The following DNAH2 variants were observed in gnomAD, a reference collection of about 807,000 sequenced individuals.
DNAH2 encodes the protein dynein axonemal heavy chain 2.
DNAH2 carries 323 observed loss-of-function variants against 523.5 expected under a neutral mutation model. The ratio of observed to expected loss-of-function variants is 0.62; its 90% confidence interval spans 0.56 to 0.68. The LOEUF is 0.68. Ranked by LOEUF, DNAH2 falls within the 30% of genes least tolerant of loss-of-function variation. DNAH2 has a pLI of 0.00. For synonymous variants in DNAH2, 2,093 were observed against 2,177.4 expected (o/e 0.96, Z 1.08); for missense variants, 4,907 against 5,701.5 (o/e 0.86, Z 4.49).
chr17:7,739,653 C>A, intron 8 of DNAH2, 80 bp from the exon 9 acceptor site: 3 of 1,232,586 alleles, frequency 2.4e-6, no homozygotes, highest in Non-Finnish European at 3.5e-6. Flanking sequence ...TGTTTTTAGA[C>A]ATTTGAAGCT....
chr17:7,751,225 C>A (rs1204914423), intron 12 of DNAH2, among the ~76,000 whole-genome samples: 1 of 151,686 alleles, frequency 6.6e-6, no homozygotes, highest in Non-Finnish European at 1.5e-5. Flanking sequence ...CTGACTGCAA[C>A]CTCTGCGTCC....
Position 7,778,405 on chromosome 17 carries a change from T to C in DNAH2, c.5477T>C (p.Val1826Ala). Reference protein sequence around the residue: ...LGKALGIYVIVVNCSEGLDYK... With the variant: ...LGKALGIYVIAVNCSEGLDYK... ...AAGGCCCTGGGCATATATGTCATTGTGGTCAACTGCTCTGAGGGCCTGGAC... is the reference window on the plus strand; with the variant it reads ...AAGGCCCTGGGCATATATGTCATTGCGGTCAACTGCTCTGAGGGCCTGGAC... Residue 1826 changes from valine to alanine, a missense_variant, in exon 35 of 86, where the codon GTG (valine) becomes GCG (alanine). By Grantham distance (64) the Val-to-Ala change is moderately conservative. Around this residue, in one of 3 missense-constraint regions of DNAH2, gnomAD observed 2,806 missense variants for 3,190.8 expected, o/e 0.88. Coordinates refer to ENST00000572933, the MANE Select transcript of DNAH2 (RefSeq NM_020877.5). The C allele has an allele frequency of 8.7e-6, 14 of 1,614,230 alleles. No individual in the cohort carries two copies. The highest frequency in any genetic ancestry group is 1.2e-5 in the Non-Finnish European group (14 of 1,180,042).
chr17:7,772,454 T>TC (rs2076343878), intron 28 of DNAH2, among the ~76,000 whole-genome samples: 1 of 152,202 alleles, frequency 6.6e-6, no homozygotes, highest in South Asian at 2.1e-4. Context: ...ATCCCTTTGT[T>TC]GAATGCACAG....
At chr17:7,759,183 C>T in intron 15 of DNAH2, 59 bp downstream of exon 15, 2 of 1,603,524 alleles carry the variant, frequency 1.2e-6, no homozygotes, top group Non-Finnish European at 1.7e-6. Context: ...CCAGTTCCAT[C>T]AGGCCATTCT....
At position 7,794,307 on chromosome 17, in the gene DNAH2, C is replaced by T. The variant is rs752769345; in HGVS notation, c.7623C>T (p.Ile2541=). The change falls in exon 49 of 86, where the codon ATC becomes ATT. Residue 2541 remains isoleucine (I), a synonymous_variant. Transcript: ENST00000572933. The part of the protein sequence containing the change: ...MGPPGGGRTV[I]SPRLRSRFNI... ...CCCCTGGGGGTGGACGGACTGTCAT[C>T]TCCCCAAGGCTACGGAGTCGCTTCA... 5 of 1,610,188 alleles carry T rather than the reference C, an allele frequency of 3.1e-6. No individual in the cohort carries two copies. The African/African-American group carries it at 5.4e-5, about 17-fold the overall frequency.
Position 7,754,919 on chromosome 17 carries a change from T to G in DNAH2, c.1905-2172T>G. On this transcript the variant is annotated intron_variant, in intron 12 of 85. Transcript: ENST00000572933. The surrounding 1 kb of genome is among the most constrained non-coding windows in gnomAD (Gnocchi z 4.6). ...CACCCACCCCGGGCTGCCGTCTGCA[T>G]GGGGCTGGGGTCCTCCTGCGCTATT... The G allele has an allele frequency of 1.9e-6, 1 of 528,534 alleles. No individual in the cohort carries two copies. The highest frequency in any genetic ancestry group is 2.9e-5 in the East Asian group (1 of 34,072). The allele number at this position is 528,534 out of a possible 1,614,324, so 32.7% of individuals were successfully genotyped here.
chr17:7,723,259 T>C (rs1267005967), intron 2 of DNAH2, among the ~76,000 whole-genome samples: 5 of 139,706 alleles, frequency 3.6e-5, no homozygotes, highest in South Asian at 2.3e-4. Context: ...TGTGAGCCAC[T>C]GTACCCGGCT....
chr17:7,778,510 C>G, intron 35 of DNAH2, 41 bp downstream of exon 35: 1 of 1,538,036 alleles, frequency 6.5e-7, no homozygotes, highest in Non-Finnish European at 8.8e-7. Flanking sequence ...CCCTTAAATA[C>G]CTTTTCGTCC....
chr17:7,796,475 C>A lies in DNAH2; in HGVS notation c.7686C>A (p.Ile2562=), dbSNP rs1338766761. The A allele has an allele frequency of 6.2e-7, 1 of 1,613,780 alleles. No individual in the cohort carries two copies. Among genetic ancestry groups the A allele is most frequent in the Non-Finnish European group, 8.5e-7 (1 of 1,179,980 alleles). ...INMTFPTKSQ[I]IRIFGTMINQ... ...GGGTCTGTTTCTAGAAGTCCCAGAT[C>A]ATCCGCATATTCGGCACCATGATCA... The change falls in exon 50 of 86, where the codon ATC becomes ATA. Residue 2562 remains isoleucine, a synonymous_variant. Coordinates refer to ENST00000572933, the MANE Select transcript of DNAH2 (RefSeq NM_020877.5).
rs1463875617 is a variant in DNAH2 at position 7,792,614 on chromosome 17, G to A, written c.7146-43G>A. 4 of 1,525,834 alleles carry A rather than the reference G, an allele frequency of 2.6e-6. No individual in the cohort carries two copies. The Admixed American group carries it at 5.1e-5, about 20-fold the overall frequency. 94.5% of individuals were successfully genotyped at this position (1,525,834 alleles called of 1,614,324 possible). On this transcript the variant is annotated intron_variant, in intron 46 of 85. Coordinates refer to ENST00000572933, the MANE Select transcript of DNAH2 (RefSeq NM_020877.5). Reference sequence around the variant, plus strand: ...GAAAGGAAGTGGGAGTTGGAAAGGAGTGGGCGGCTGGTCCTTGAGAGCCGG... The same window carrying A: ...GAAAGGAAGTGGGAGTTGGAAAGGAATGGGCGGCTGGTCCTTGAGAGCCGG...
chr17:7,770,424 C>T lies in DNAH2; in HGVS notation c.4098+16C>T, dbSNP rs2151220367. The T allele has an allele frequency of 4.3e-6, 7 of 1,611,326 alleles. No individual in the cohort carries two copies. The East Asian group carries it at 1.3e-4, about 31-fold the overall frequency. ...TATAGAAGTGGTACGACAGTCCCCT[C>T]CCATGCTCCCACACCTCCTGCGCCT... On this transcript the variant is annotated intron_variant, in intron 25 of 85. Transcript: ENST00000572933.
Position 7,818,432 on chromosome 17 carries a change from C to T in DNAH2, c.10508C>T (p.Thr3503Ile), listed in dbSNP as rs371358361. The T allele has an allele frequency of 2.5e-6, 4 of 1,614,208 alleles. No homozygotes were observed. The highest frequency in any genetic ancestry group is 3.4e-6 in the Non-Finnish European group (4 of 1,180,024). ...HYSPETSAKT[T>I]IVNFAVKEQG... ...AGCCCAGAGACCTCAGCCAAGACCACCATCGTCAACTTTGCTGTTAAAGAA... is the reference window on the plus strand; with the variant it reads ...AGCCCAGAGACCTCAGCCAAGACCATCATCGTCAACTTTGCTGTTAAAGAA... Residue 3503 changes from threonine to isoleucine, a missense_variant, in exon 69 of 86, where the codon ACC becomes ATC. Thr to Ile is a moderately conservative substitution (Grantham distance 89). Around this residue, in one of 3 missense-constraint regions of DNAH2, gnomAD observed 1,851 missense variants for 2,139.4 expected, o/e 0.87. Coordinates refer to ENST00000572933, the MANE Select transcript of DNAH2 (RefSeq NM_020877.5).
Position 7,768,189 on chromosome 17 carries a change from C to A in DNAH2, c.3863C>A (p.Thr1288Asn). 6.2e-7 allele frequency: 1 copy of A among 1,614,162 alleles called. No individual in the cohort carries two copies. The highest frequency in any genetic ancestry group is 8.5e-7 in the Non-Finnish European group (1 of 1,180,034). The change falls in exon 24 of 86, where the codon ACC becomes AAC. Residue 1288 changes from threonine (T) to asparagine (N), a missense_variant. By Grantham distance (65) the Thr-to-Asn change is moderately conservative. Coordinates refer to ENST00000572933, the MANE Select transcript of DNAH2 (RefSeq NM_020877.5). Reference sequence around the variant, plus strand: ...GACCGAAACTGGGAAATTATTGAAACCACTCGCTCAAAAATAGAGCAGTTC... The same window carrying A: ...GACCGAAACTGGGAAATTATTGAAAACACTCGCTCAAAAATAGAGCAGTTC... Reference protein sequence around the residue: ...YKDRNWEIIETTRSKIEQFKR... With the variant: ...YKDRNWEIIENTRSKIEQFKR...
chr17:7,724,291 C>T (rs2074723167), intron 3 of DNAH2, among the ~76,000 whole-genome samples: 1 of 152,076 alleles, frequency 6.6e-6, no homozygotes, highest in Non-Finnish European at 1.5e-5. Flanking sequence ...AAATAAGACT[C>T]ATGGTGTTAC....
rs1360578871 is a variant in DNAH2, at chr17:7,786,147, G to A, written c.6153G>A (p.Glu2051=). The A allele has an allele frequency of 6.2e-7, 1 of 1,613,942 alleles. No homozygotes were observed. The highest frequency in any genetic ancestry group is 8.5e-7 in the Non-Finnish European group (1 of 1,180,008). The change falls in exon 40 of 86, where the codon GAG becomes GAA. Residue 2051 remains glutamate, a synonymous_variant. Coordinates refer to ENST00000572933, the MANE Select transcript of DNAH2 (RefSeq NM_020877.5). The surrounding 1 kb of genome is among the most constrained non-coding windows in gnomAD (Gnocchi z 7.5). ...AGCTGCGGGAGACCGTTGAGCAGGA[G>A]ATTCGAGACATGGGCCTGCAAAGCA... ...YGKLRETVEQ[E]IRDMGLQSTP...
chr17:7,751,920 G>GGGGGGGGT (rs111751776), intron 12 of DNAH2, among the ~76,000 whole-genome samples: 5 of 145,876 alleles, frequency 3.4e-5, no homozygotes, highest in African/African-American at 1.3e-4. Context: ...ATAGTTGTGG[G>GGGGGGGGT]GTGTGTGTGT....
At position 7,780,285 on chromosome 17, in the gene DNAH2, G is replaced by A. The variant is rs1425819839; in HGVS notation, c.5850+1G>A. The A allele has an allele frequency of 6.2e-7, 1 of 1,614,066 alleles. No individual in the cohort carries two copies. Among genetic ancestry groups the A allele is most frequent in the Non-Finnish European group, 8.5e-7 (1 of 1,180,022 alleles). On this transcript the variant is annotated splice_donor_variant, in intron 37 of 85. Coordinates refer to ENST00000572933, the MANE Select transcript of DNAH2 (RefSeq NM_020877.5). LOFTEE classifies it high-confidence loss of function. The surrounding 1 kb of genome is among the most constrained non-coding windows in gnomAD (Gnocchi z 4.4). ...TGGAGAGGGCTTTGGCAACTGCAAG[G>A]TACTCCAATAACCCCTTTTCTCCAG...
At position 7,735,938 on chromosome 17, in the gene DNAH2, A is replaced by G. The variant is rs141069881; in HGVS notation, c.979-1129A>G. Among the ~76,000 whole-genome samples the G allele has an allele frequency of 5.5e-3, 840 of 152,050 alleles. 14 individuals carry two copies. Among genetic ancestry groups the G allele is most frequent in the Admixed American group, 0.045 (681 of 15,252 alleles). On this transcript the variant is annotated intron_variant, in intron 7 of 85. Transcript: ENST00000572933. ...TGGCTAGTTTTTGTATTTTTAGTAA[A>G]GACGGAGTTTCATCATGTTGGCCAG...
At position 7,807,301 on chromosome 17, in the gene DNAH2, G is replaced by A. The variant is rs1435443226; in HGVS notation, c.9594G>A (p.Met3198Ile). Residue 3198 changes from methionine to isoleucine, a missense_variant, in exon 62 of 86, where the codon ATG (methionine) becomes ATA (isoleucine). Physicochemically the swap from Met to Ile is conservative, Grantham distance 10. Coordinates refer to ENST00000572933, the MANE Select transcript of DNAH2 (RefSeq NM_020877.5). This position sits in a 1 kb window ranked among gnomAD's most constrained non-coding sequence, Gnocchi z 5.6. ...CCCTGGCTGCCAAGTCCCTCTGCAT[G>A]TGGGTGCGGGCCATGGAGGTAAAGG... ...RVSLAAKSLCMWVRAMELYGR... is the reference protein window; with the variant it reads ...RVSLAAKSLCIWVRAMELYGR... The A allele has an allele frequency of 2.2e-5, 36 of 1,613,384 alleles. No individual in the cohort carries two copies. The highest frequency in any genetic ancestry group is 4.5e-5 in the East Asian group (2 of 44,892).
Sources: gnomAD v4.1 joint callset for allele counts (sites outside exome capture counted in the v4.1 genomes callset) on GRCh38, gnomAD v4.1.1 for gene constraint, gnomAD v4.1.1 regional missense constraint, Gnocchi (gnomAD v3.1) non-coding constraint, MANE v1.5 for transcripts, NCBI Gene and HGNC (gene_info 2026-07-23, HGNC 2026-07-21) for gene names.